CNPPD1: variants seen among roughly 807,000 people sequenced by gnomAD.
The protein encoded by CNPPD1 is protein CNPPD1.
CNPPD1 carries 40 observed loss-of-function variants against 43.7 expected under a neutral mutation model. That is an observed-to-expected ratio of 0.92 (90% CI 0.71 to 1.19). The LOEUF (loss-of-function observed/expected upper bound fraction) is 1.19. Ranked by LOEUF, CNPPD1 falls within the 50% of genes most tolerant of loss-of-function variation. CNPPD1 has a pLI of 0.00. For missense variants in CNPPD1, 511 were observed against 518.5 expected (o/e 0.99, Z 0.14); for synonymous variants, 208 against 214.3 (o/e 0.97, Z 0.26).
chr2:219,178,135 T>G (rs2106392954), upstream of CNPPD1: 1 of 260,874 alleles, frequency 3.8e-6, no homozygotes, highest in Non-Finnish European at 6.8e-6. Flanking sequence ...GTAGGCGCAG[T>G]GTCAGCGGCA....
intron 5 of CNPPD1, 36 bp downstream of exon 5, chr2:219,174,742 C>T (rs1044108580): frequency 4.5e-6 from 7 of 1,544,348 alleles, no homozygotes; most frequent in Admixed American, 2.0e-5. Flanking sequence ...AAAGATGGGC[C>T]AGGGAAACTG....
upstream of CNPPD1, chr2:219,178,073 T>C (rs2106392771): frequency 4.8e-6 from 1 of 207,744 alleles, no homozygotes; most frequent in African/African-American, 2.3e-5. Context: ...TGCCTGGACC[T>C]AGACCCGGAC....
intron 6 of CNPPD1, 58 bp from the exon 7 acceptor site, chr2:219,173,525 C>T: frequency 6.8e-7 from 1 of 1,472,408 alleles, no homozygotes; most frequent in South Asian, 1.2e-5. Flanking sequence ...AGCCCAGTGG[C>T]ACCCTCATAC....
Position 219,172,905 on chromosome 2 carries a change from A to T in CNPPD1, c.914T>A (p.Leu305Gln). 1 of 1,611,060 alleles carries T rather than the reference A, an allele frequency of 6.2e-7. No individual in the cohort carries two copies. The highest frequency in any genetic ancestry group is 1.1e-5 in the South Asian group (1 of 90,708). The part of the protein sequence containing the change: ...VSSCLEGSMG[L>Q]RSLWGSLLAS... ...CAGAAGACTGCCCCAGAGTGACCGC[A>T]GCCCCATGCTGCCTTCCAGGCAGCT... Residue 305 changes from leucine to glutamine, a missense_variant, in exon 8 of 8, where the codon CTG (leucine) becomes CAG (glutamine). Leu to Gln is a moderately radical substitution (Grantham distance 113). Transcript: ENST00000360507.
intron 2 of CNPPD1, 64 bp from the exon 3 acceptor site, chr2:219,175,736 C>A: frequency 7.4e-7 from 1 of 1,357,296 alleles, no homozygotes; most frequent in Non-Finnish European, 1.1e-6. Context: ...CACCAGTCCC[C>A]ACTGCTAGCA....
At position 219,175,037 on chromosome 2, in the gene CNPPD1, G is replaced by A; in HGVS notation, c.332C>T (p.Pro111Leu). Residue 111 changes from proline to leucine, a missense_variant, in exon 4 of 8, where the codon CCA (proline) becomes CTA (leucine). Physicochemically the swap from Pro to Leu is moderately conservative, Grantham distance 98. Coordinates refer to ENST00000360507, the MANE Select transcript of CNPPD1 (RefSeq NM_015680.6). ...VYIERLRHRN[P>L]DYLQHVSSSD... ...GGATGACACATGCTGCAAGTAGTCT[G>A]GGTTTCGGTGCCGGAGCCGTTCAAT... The A allele has an allele frequency of 1.2e-5, 20 of 1,613,990 alleles. No homozygotes were observed. Among genetic ancestry groups the A allele is most frequent in the Non-Finnish European group, 1.7e-5 (20 of 1,180,010 alleles).
At chr2:219,176,126 A>T in intron 2 of CNPPD1, 97 bp downstream of exon 2, 3 of 845,558 alleles carry the variant, frequency 3.5e-6, no homozygotes, top group Non-Finnish European at 6.0e-6. Flanking sequence ...CAATGAAGAG[A>T]CAGTGTAGCC....
chr2:219,176,869 A>G lies in CNPPD1; in HGVS notation c.-41T>C, dbSNP rs532689148. 4 of 1,526,788 alleles carry G rather than the reference A, an allele frequency of 2.6e-6. No homozygotes were observed. The highest frequency in any genetic ancestry group is 3.6e-6 in the Non-Finnish European group (4 of 1,126,182). The allele number at this position is 1,526,788 out of a possible 1,614,324, so 94.6% of individuals were successfully genotyped here. A position where few individuals can be genotyped will look rare whatever the true frequency, so the allele number is the denominator to read the frequency against. Reference sequence around the variant, plus strand: ...CGCCCTGCGAAGGTGAACGGAAGGAAACGAGTTGTAGGGGGCTCGCGGAGC... The same window carrying G: ...CGCCCTGCGAAGGTGAACGGAAGGAGACGAGTTGTAGGGGGCTCGCGGAGC... On this transcript the variant is annotated 5_prime_UTR_variant, in exon 1 of 8. Coordinates refer to ENST00000360507, the MANE Select transcript of CNPPD1 (RefSeq NM_015680.6).
chr2:219,173,466 C>T lies in CNPPD1; in HGVS notation c.574G>A (p.Val192Met). The T allele has an allele frequency of 6.2e-7, 1 of 1,613,488 alleles. No individual in the cohort carries two copies. The highest frequency in any genetic ancestry group is 8.5e-7 in the Non-Finnish European group (1 of 1,179,590). The change falls in exon 7 of 8, where the codon GTG becomes ATG. Residue 192 changes from valine to methionine, a missense_variant and splice_region_variant. Physicochemically the swap from Val to Met is conservative, Grantham distance 21. Transcript: ENST00000360507. Reference protein sequence around the residue: ...FEVLSWLESCVAEQQGRWRGW... With the variant: ...FEVLSWLESCMAEQQGRWRGW... ...CGCCACCGTCCCTGCTGCTCAGCCA[C>T]ACTGGGGGAAGTGGAGAAATGACAA...
In CNPPD1 at chr2:219,175,505, A is replaced by AAAAG. The variant is rs1181406855; in HGVS notation, c.260+82_260+85dup. The AAAAG allele has an allele frequency of 9.9e-6, 13 of 1,318,530 alleles. No homozygotes were observed. The East Asian group carries it at 2.5e-4, about 26-fold the overall frequency. 81.7% of individuals were successfully genotyped at this position (1,318,530 alleles called of 1,614,324 possible). A position where few individuals can be genotyped will look rare whatever the true frequency, so the allele number is the denominator to read the frequency against. On this transcript the variant is annotated intron_variant, in intron 3 of 7. Coordinates refer to ENST00000360507, the MANE Select transcript of CNPPD1 (RefSeq NM_015680.6). ...AAGTGAGACTGTCTCAAAAAAAAAA[A>AAAAG]AAAGAAAGAAAGAAAAGAAAGAAAA...
upstream of CNPPD1, chr2:219,177,015 G>T (rs1485539791): frequency 3.7e-6 from 2 of 540,004 alleles, no homozygotes; most frequent in Non-Finnish European, 6.5e-6. Context: ...TGAACTGGGC[G>T]CCTCTTCCTG....
rs140947736 is a variant in CNPPD1 at position 219,176,300 on chromosome 2, C to T, written c.101G>A (p.Arg34Gln). 20 of 1,614,174 alleles carry T rather than the reference C, an allele frequency of 1.2e-5. No individual in the cohort carries two copies. The African/African-American group carries it at 1.6e-4, about 13-fold the overall frequency. ...FLPGHQKLSA[R>Q]IRRRLYYGWD... ...GCCATAGTAGAGCCTCCTTCGGATCCGGGCACTCAGCTTCTGGTGTCCTGG... is the reference window on the plus strand; with the variant it reads ...GCCATAGTAGAGCCTCCTTCGGATCTGGGCACTCAGCTTCTGGTGTCCTGG... Residue 34 changes from arginine to glutamine, a missense_variant, in exon 2 of 8, where the codon CGG becomes CAG. Arg to Gln is a conservative substitution (Grantham distance 43). Transcript: ENST00000360507.
chr2:219,173,322 C>T, intron 7 of CNPPD1, 28 bp downstream of exon 7: 1 of 1,594,682 alleles, frequency 6.3e-7, no homozygotes, highest in Non-Finnish European at 8.6e-7. Flanking sequence ...CCTGCTCAAG[C>T]TCCCTATCCT....
At chr2:219,177,087 G>A (rs1032841113), upstream of CNPPD1, 1 of 410,786 alleles carries the variant, frequency 2.4e-6, no homozygotes, top group Non-Finnish European at 4.3e-6. Flanking sequence ...GGTGTCAAGC[G>A]TCCGTGCGAC....
At chr2:219,175,259 G>T in intron 3 of CNPPD1, 151 bp from the exon 4 acceptor site, 1 of 1,033,400 alleles carries the variant, frequency 9.7e-7, no homozygotes, top group Non-Finnish European at 1.4e-6. Context: ...CCAGCACTTT[G>T]GAAGACCAAG....
Position 219,174,210 on chromosome 2 carries a change from G to T in CNPPD1, c.511-3C>A. The T allele has an allele frequency of 1.2e-6, 2 of 1,614,006 alleles. No individual in the cohort carries two copies. Among genetic ancestry groups the T allele is most frequent in the Non-Finnish European group, 1.7e-6 (2 of 1,179,940 alleles). On this transcript the variant is annotated splice_region_variant and splice_polypyrimidine_tract_variant and intron_variant, in intron 5 of 7. Transcript: ENST00000360507. ...GGGTCAGTGTAGAGATGCCAATCCT[G>T]TGAGTACGGAGAGTGGACATCAAAC...
intron 6 of CNPPD1, 30 bp from the exon 7 acceptor site, chr2:219,173,497 T>C (rs201939820): frequency 6.2e-7 from 1 of 1,600,980 alleles, no homozygotes; most frequent in African/African-American, 1.3e-5. Context: ...GACAAGAGTA[T>C]GCAACTGTCC....
Position 219,176,892 on chromosome 2 carries a change from A to T in CNPPD1, c.-64T>A. ...GAAACGAGTTGTAGGGGGCTCGCGGAGCTGTCCTTGCCCGCCTGTCCACCT... is the reference window on the plus strand; with the variant it reads ...GAAACGAGTTGTAGGGGGCTCGCGGTGCTGTCCTTGCCCGCCTGTCCACCT... On this transcript the variant is annotated 5_prime_UTR_variant, in exon 1 of 8. Transcript: ENST00000360507. The T allele has an allele frequency of 7.1e-7, 1 of 1,405,812 alleles. No homozygotes were observed. The allele number at this position is 1,405,812 out of a possible 1,614,324, so 87.1% of individuals were successfully genotyped here.
chr2:219,174,938 C>G (rs1306083341), intron 4 of CNPPD1, 32 bp from the exon 5 acceptor site: 1 of 1,614,024 alleles, frequency 6.2e-7, no homozygotes, highest in Non-Finnish European at 8.5e-7. Context: ...TGGAGCAGAG[C>G]TCATAGCAGG....
Sources: allele counts gnomAD v4.1 joint callset, GRCh38; gene constraint gnomAD v4.1.1; transcripts MANE v1.5; gene names NCBI Gene and HGNC (gene_info 2026-07-23, HGNC 2026-07-21).